SGCZ: variants seen among roughly 807,000 people sequenced by gnomAD.
SGCZ encodes the protein sarcoglycan zeta, also known as zeta-sarcoglycan.
A neutral mutation model predicts 41.3 loss-of-function variants in SGCZ; 40 were observed. The ratio of observed to expected loss-of-function variants is 0.97; its 90% CI spans 0.75 to 1.26. The LOEUF (loss-of-function observed/expected upper bound fraction) is 1.26, where lower values mean the gene tolerates loss of function less well. Among genes scored for constraint, SGCZ ranks in the 50% most tolerant of loss-of-function variants. The probability of loss-of-function intolerance (pLI) is 0.00; values close to 1 mark genes in which losing one functional copy is unlikely to be tolerated. For missense variants in SGCZ, 552 were observed against 369.8 expected (o/e 1.49, Z -4.04); for synonymous variants, 206 against 137.5 (o/e 1.50, Z -3.49).
chr8:14,670,572 A>G (rs11203656), intron 1 of SGCZ, among the ~76,000 whole-genome samples: 82,947 of 151,300 alleles, frequency 0.55, 24,347 homozygotes, highest in East Asian at 0.75. Flanking sequence ...ATGGGATATG[A>G]GCAGATCTAA....
intron 2 of SGCZ, among the ~76,000 whole-genome samples, chr8:14,385,997 T>G (rs1324567515): frequency 6.6e-6 from 1 of 152,178 alleles, no homozygotes; most frequent in Non-Finnish European, 1.5e-5. Flanking sequence ...ACTATGTAAA[T>G]CGCTGTTATA....
At chr8:14,847,186 G>GAAGA (rs1803161300) in intron 1 of SGCZ, among the ~76,000 whole-genome samples, 1 of 142,420 alleles carries the variant, frequency 7.0e-6, no homozygotes, top group Non-Finnish European at 1.5e-5. Flanking sequence ...AGAAGAAGAA[G>GAAGA]AGAAAAATAC....
intron 1 of SGCZ, among the ~76,000 whole-genome samples, chr8:14,571,115 C>A (rs1230816196): frequency 2.6e-5 from 4 of 152,038 alleles, no homozygotes; most frequent in African/African-American, 7.2e-5. Context: ...CCTCAGGAAA[C>A]TTACAATCTT....
chr8:14,205,390 A>G (rs1369830900), intron 4 of SGCZ, among the ~76,000 whole-genome samples: 3 of 152,214 alleles, frequency 2.0e-5, no homozygotes, highest in Non-Finnish European at 4.4e-5. Context: ...TGTTTTTCAG[A>G]AAGTTAAAAT....
chr8:14,348,976 G>A (rs188456370), intron 2 of SGCZ, among the ~76,000 whole-genome samples: 20 of 152,064 alleles, frequency 1.3e-4, no homozygotes, highest in South Asian at 4.1e-4. Flanking sequence ...ACTGTGTTAC[G>A]TAAATATATA....
intron 1 of SGCZ, among the ~76,000 whole-genome samples, chr8:15,003,934 T>C (rs1318570631): frequency 6.6e-6 from 1 of 152,132 alleles, no homozygotes; most frequent in African/African-American, 2.4e-5. Flanking sequence ...ATACATCTCA[T>C]GCTCCCACAA....
At position 14,196,349 on chromosome 8, in the gene SGCZ, C is replaced by T. The variant is rs1034325642; in HGVS notation, c.425-31647G>A. 5.9e-5 allele frequency among the ~76,000 whole-genome samples: 9 copies of T among 151,312 alleles called. No homozygotes were observed. In the South Asian group the frequency reaches 6.3e-4, roughly 11 times the overall value. On this transcript the variant is annotated intron_variant, in intron 4 of 7. Transcript: ENST00000382080. Reference sequence around the variant, plus strand: ...TGTGATCTCCTGTCACAGCAACTTCCGCCTCCTGGGTTCAAGTTATTCTCC... The same window carrying T: ...TGTGATCTCCTGTCACAGCAACTTCTGCCTCCTGGGTTCAAGTTATTCTCC...
intron 1 of SGCZ, among the ~76,000 whole-genome samples, chr8:15,103,179 T>C (rs967548498): frequency 6.6e-6 from 1 of 152,022 alleles, no homozygotes; most frequent in African/African-American, 2.4e-5. Flanking sequence ...GGCAGATGCA[T>C]CAGCTGAGGT....
chr8:14,681,671 A>G (rs903166722), intron 1 of SGCZ, among the ~76,000 whole-genome samples: 1 of 152,210 alleles, frequency 6.6e-6, no homozygotes, highest in Non-Finnish European at 1.5e-5. Flanking sequence ...CAGTGATCAG[A>G]TATTACTCAG....
At chr8:14,925,195 T>G (rs1799709562) in intron 1 of SGCZ, among the ~76,000 whole-genome samples, 1 of 152,110 alleles carries the variant, frequency 6.6e-6, no homozygotes, top group African/African-American at 2.4e-5. Flanking sequence ...AGTTTAAAAG[T>G]CAATTTTCTT....
chr8:14,265,921 AACAC>A (rs1799851979), intron 3 of SGCZ, among the ~76,000 whole-genome samples: 1 of 151,886 alleles, frequency 6.6e-6, no homozygotes, highest in African/African-American at 2.4e-5. Context: ...GAGATTTGAA[AACAC>A]ACAGTCAGAA....
At chr8:14,308,992 C>T (rs1014443591) in intron 3 of SGCZ, 74 of 894,902 alleles carry the variant, frequency 8.3e-5, no homozygotes, top group Admixed American at 5.2e-4. Flanking sequence ...GAATTCCAAA[C>T]CGCACCCGGC....
At chr8:14,688,844 G>A (rs995219465) in intron 1 of SGCZ, among the ~76,000 whole-genome samples, 3 of 152,106 alleles carry the variant, frequency 2.0e-5, no homozygotes, top group Admixed American at 1.3e-4. Flanking sequence ...CAGACGACAT[G>A]ATTGTATATC....
At position 14,396,409 on chromosome 8, in the gene SGCZ, T is replaced by C. The variant is rs118108436; in HGVS notation, c.235-72205A>G. ...ACAATGGTTCAGATGAAATTCCTGA[T>C]ACCTAATCCTCATGGAAAATGGTGA... On this transcript the variant is annotated intron_variant, in intron 2 of 7. Transcript: ENST00000382080. 5.0e-4 allele frequency among the ~76,000 whole-genome samples: 76 copies of C among 152,282 alleles called. No individual in the cohort carries two copies. In the East Asian group the frequency reaches 8.9e-3, roughly 18 times the overall value.
intron 3 of SGCZ, among the ~76,000 whole-genome samples, chr8:14,317,893 G>C (rs1167336523): frequency 6.6e-6 from 1 of 151,486 alleles, no homozygotes; most frequent in African/African-American, 2.4e-5. Context: ...GGATTATTAA[G>C]TTTATTTTGA....
intron 2 of SGCZ, among the ~76,000 whole-genome samples, chr8:14,541,375 C>A (rs879464975): frequency 2.0e-5 from 3 of 151,736 alleles, no homozygotes; most frequent in African/African-American, 7.3e-5. Context: ...TGTTCAGCTC[C>A]GAGTGAGAAC....
intron 1 of SGCZ, among the ~76,000 whole-genome samples, chr8:14,743,876 A>G (rs2165592): frequency 0.38 from 57,654 of 151,932 alleles, 13,537 homozygotes; most frequent in African/African-American, 0.66. Context: ...GTGAAATTCA[A>G]TGATAGATTA....
At chr8:14,779,323 G>C (rs1337267068) in intron 1 of SGCZ, among the ~76,000 whole-genome samples, 3 of 152,166 alleles carry the variant, frequency 2.0e-5, no homozygotes, top group East Asian at 1.9e-4. Flanking sequence ...GAACACTCAA[G>C]CATTTCCACT....
chr8:14,642,169 T>A (rs1942285650), intron 1 of SGCZ, among the ~76,000 whole-genome samples: 1 of 151,664 alleles, frequency 6.6e-6, no homozygotes, highest in Admixed American at 6.6e-5. Flanking sequence ...ATGAGACAAC[T>A]AACGTGAATA....
Sources: allele counts gnomAD v4.1 joint callset (sites outside exome capture counted in the v4.1 genomes callset), GRCh38; gene constraint gnomAD v4.1.1; transcripts MANE v1.5; gene names NCBI Gene and HGNC (gene_info 2026-07-23, HGNC 2026-07-21).